The following SOX5 variants were observed in gnomAD, a reference collection of about 807,000 sequenced individuals.
SOX5 encodes transcription factor SOX-5.
Under a neutral mutation model 92.0 loss-of-function variants are expected in SOX5, and 9 were observed. The observed-to-expected ratio is 0.10, with a 90% CI of 0.06 to 0.17. The LOEUF (loss-of-function observed/expected upper bound fraction) is 0.17. SOX5 is among the 10% of genes least tolerant of loss of function. The pLI is 1.00. For synonymous variants in SOX5, 344 were observed against 336.3 expected, an observed-to-expected ratio of 1.02 and a Z score of -0.25; for missense variants, 642 against 944.5, an observed-to-expected ratio of 0.68 and a Z score of 4.20.
At chr12:24,514,550 T>C (rs1258750350) in intron 1 of SOX5, among the ~76,000 whole-genome samples, 2 of 152,226 alleles carry the variant, frequency 1.3e-5, no homozygotes, top group African/African-American at 4.8e-5. Flanking sequence ...ATCCCACTAC[T>C]GGGTATATAC....
At chr12:24,268,839 T>C (rs760091201) in intron 3 of SOX5, among the ~76,000 whole-genome samples, 3 of 152,220 alleles carry the variant, frequency 2.0e-5, no homozygotes, top group Non-Finnish European at 4.4e-5. Flanking sequence ...TGCACATTTT[T>C]ATCTACAGGT....
chr12:23,769,907 C>A (rs2141499361), intron 3 of SOX5, among the ~76,000 whole-genome samples: 1 of 151,950 alleles, frequency 6.6e-6, no homozygotes, highest in African/African-American at 2.4e-5. Flanking sequence ...TTTATAATAC[C>A]ACCTTCTTAC....
chr12:23,927,788 T>G (rs1940377887), intron 1 of SOX5, among the ~76,000 whole-genome samples: 1 of 152,060 alleles, frequency 6.6e-6, no homozygotes, highest in South Asian at 2.1e-4. Context: ...TGTAAATGAC[T>G]TACACTTTGA....
At chr12:24,198,279 T>C (rs1957192903) in intron 4 of SOX5, among the ~76,000 whole-genome samples, 2 of 152,140 alleles carry the variant, frequency 1.3e-5, no homozygotes, top group South Asian at 4.1e-4. Context: ...GAGGGAATAA[T>C]GGTTTAAATT....
chr12:24,534,715 A>G (rs1951487437), intron 1 of SOX5, among the ~76,000 whole-genome samples: 1 of 152,218 alleles, frequency 6.6e-6, no homozygotes, highest in Admixed American at 6.5e-5. Context: ...CTTGAGATGC[A>G]CAAATTAAGT....
chr12:24,049,215 T>C (rs930703155), intron 4 of SOX5, among the ~76,000 whole-genome samples: 1 of 152,188 alleles, frequency 6.6e-6, no homozygotes, highest in Non-Finnish European at 1.5e-5. Flanking sequence ...TCAGTAAAGC[T>C]TTAGTGTGTT....
At chr12:24,238,327 C>T (rs1015095721) in intron 3 of SOX5, among the ~76,000 whole-genome samples, 1 of 152,106 alleles carries the variant, frequency 6.6e-6, no homozygotes, top group Non-Finnish European at 1.5e-5. Flanking sequence ...TATAGGGAGC[C>T]ATGCTCTGCA....
intron 2 of SOX5, among the ~76,000 whole-genome samples, chr12:23,889,054 T>C (rs1233637532): frequency 6.6e-6 from 1 of 152,218 alleles, no homozygotes; most frequent in African/African-American, 2.4e-5. Context: ...TTTATCTGAA[T>C]GTTTCTGAAT....
At chr12:23,563,474 A>G in intron 10 of SOX5, 71 bp from the exon 11 acceptor site, 1 of 1,442,988 alleles carries the variant, frequency 6.9e-7, no homozygotes, top group Non-Finnish European at 9.5e-7. Context: ...AACCATAAAA[A>G]TCACTTTTCT....
chr12:24,033,969 C>A (rs1405362022), intron 4 of SOX5, among the ~76,000 whole-genome samples: 2 of 151,900 alleles, frequency 1.3e-5, no homozygotes, highest in African/African-American at 4.8e-5. Context: ...CATAATAAGA[C>A]CAGTCTATAA....
At chr12:23,616,230 G>A (rs1311686887) in intron 8 of SOX5, among the ~76,000 whole-genome samples, 1 of 152,230 alleles carries the variant, frequency 6.6e-6, no homozygotes, top group Non-Finnish European at 1.5e-5. Flanking sequence ...TCTCAGGACT[G>A]AGACTCTTGG....
chr12:24,480,593 G>A (rs1257274130), intron 1 of SOX5, among the ~76,000 whole-genome samples: 5 of 151,988 alleles, frequency 3.3e-5, no homozygotes, highest in African/African-American at 1.2e-4. Flanking sequence ...TTTAAAATGG[G>A]CAAAAGATTT....
At chr12:24,547,602 C>T (rs1200304473) in intron 1 of SOX5, among the ~76,000 whole-genome samples, 2 of 152,152 alleles carry the variant, frequency 1.3e-5, no homozygotes, top group East Asian at 1.9e-4. Flanking sequence ...GACAAAAATG[C>T]TATTTTATTA....
intron 4 of SOX5, among the ~76,000 whole-genome samples, chr12:24,054,223 G>C (rs1385122779): frequency 1.3e-5 from 2 of 152,126 alleles, no homozygotes; most frequent in African/African-American, 4.8e-5. Flanking sequence ...CAATATATAA[G>C]AGCGATTAAA....
chr12:23,958,289 C>G (rs1946502540), intron 4 of SOX5, among the ~76,000 whole-genome samples: 2 of 151,750 alleles, frequency 1.3e-5, no homozygotes, highest in Non-Finnish European at 2.9e-5. Flanking sequence ...ATGAGGCATA[C>G]TGAGAAAAAA....
intron 6 of SOX5, among the ~76,000 whole-genome samples, chr12:23,711,463 A>C (rs2092045688): frequency 6.6e-6 from 1 of 152,210 alleles, no homozygotes; most frequent in African/African-American, 2.4e-5. Flanking sequence ...ATTTATGCCA[A>C]ATCAACAATG....
chr12:23,800,665 T>C lies in SOX5; in HGVS notation c.482-44941A>G, dbSNP rs2095644126. The stretch of plus-strand genomic sequence containing the variant: ...ATTCTATTTCCATTTACACCTGTCA[T>C]ATTAAATGCTCCTCTAAAGTACTAC... On this transcript the variant is annotated intron_variant, in intron 3 of 14. Transcript: ENST00000451604. 2.6e-5 allele frequency among the ~76,000 whole-genome samples: 4 copies of C among 152,152 alleles called. No individual in the cohort carries two copies. The South Asian group carries it at 8.3e-4, about 32-fold the overall frequency.
At chr12:24,537,320 T>C (rs56903685) in intron 1 of SOX5, among the ~76,000 whole-genome samples, 4 of 152,338 alleles carry the variant, frequency 2.6e-5, no homozygotes, top group African/African-American at 2.4e-5. Context: ...CCAAATTTCA[T>C]AGCTGCCTAG....
At chr12:24,527,208 G>A (rs1034188626) in intron 1 of SOX5, among the ~76,000 whole-genome samples, 1 of 152,162 alleles carries the variant, frequency 6.6e-6, no homozygotes, top group Admixed American at 6.5e-5. Context: ...CCTAACCCAT[G>A]GTAAGTTCTT....
Sources: allele counts gnomAD v4.1 joint callset (sites outside exome capture counted in the v4.1 genomes callset), GRCh38; gene constraint gnomAD v4.1.1; transcripts MANE v1.5; gene names NCBI Gene and HGNC (gene_info 2026-07-23, HGNC 2026-07-21).